Variants in BCAN observed in about 807,000 individuals in gnomAD.
BCAN encodes brevican, also known as brevican core protein.
Under a neutral mutation model 92.4 loss-of-function variants are expected in BCAN, and 51 were observed. The ratio of observed to expected loss-of-function variants is 0.55; its 90% CI spans 0.44 to 0.70. The LOEUF (loss-of-function observed/expected upper bound fraction) is 0.70. Among genes scored for constraint, BCAN ranks in the 30% least tolerant of loss-of-function variants. The probability of loss-of-function intolerance (pLI) is 0.00; values close to 1 mark genes in which losing one functional copy is unlikely to be tolerated. For synonymous variants in BCAN, 501 were observed against 505.2 expected, an observed-to-expected ratio of 0.99 and a Z score of 0.11; for missense variants, 1,140 against 1,212.1, an observed-to-expected ratio of 0.94 and a Z score of 0.88.
intron 11 of BCAN, 117 bp downstream of exon 11, chr1:156,657,874 C>T: frequency 1.2e-6 from 1 of 863,882 alleles, no homozygotes; most frequent in Admixed American, 3.1e-5. Flanking sequence ...CCTTCCCTTT[C>T]TCGTGCCCTG....
chr1:156,658,798 T>C lies in BCAN; in HGVS notation c.2628+65T>C, dbSNP rs1679428809. The C allele has an allele frequency of 6.3e-7, 1 of 1,593,422 alleles. No individual in the cohort carries two copies. Among genetic ancestry groups the C allele is most frequent in the Non-Finnish European group, 8.6e-7 (1 of 1,165,000 alleles). ...AGCCAACAGTAGCCTTGGACTCCAC[T>C]TAAAGTCCTGCCTGTCACTGGCCAT... On this transcript the variant is annotated intron_variant, in intron 13 of 13. Coordinates refer to ENST00000329117, the MANE Select transcript of BCAN (RefSeq NM_021948.5). The surrounding 1 kb of genome is among the most constrained non-coding windows in gnomAD (Gnocchi z 4.4).
rs78252762 is a variant in BCAN at position 156,645,295 on chromosome 1, A to G, written c.-8-752A>G. 9.5e-4 allele frequency among the ~76,000 whole-genome samples: 145 copies of G among 152,366 alleles called. 2 individuals are homozygous for G. In the East Asian group the frequency reaches 0.024, roughly 25 times the overall value. On this transcript the variant is annotated intron_variant, in intron 1 of 13. Coordinates refer to ENST00000329117, the MANE Select transcript of BCAN (RefSeq NM_021948.5). ...CTTTGTCCCAACTGATTTCTGAGCCAAGAGTTCCGGTGGGAAAGCCCGTGC... is the reference window on the plus strand; with the variant it reads ...CTTTGTCCCAACTGATTTCTGAGCCGAGAGTTCCGGTGGGAAAGCCCGTGC...
Position 156,658,018 on chromosome 1 carries a change from C to G in BCAN, c.2293-109C>G. On this transcript the variant is annotated intron_variant, in intron 11 of 13. Coordinates refer to ENST00000329117, the MANE Select transcript of BCAN (RefSeq NM_021948.5). This position sits in a 1 kb window ranked among gnomAD's most constrained non-coding sequence, Gnocchi z 4.4. The stretch of plus-strand genomic sequence containing the variant: ...GAGATCCCCTACCCCCTAGCCCTAA[C>G]CTTCCCTCTCCTGGGGCCCCGCTCA... The G allele has an allele frequency of 7.5e-7, 1 of 1,330,966 alleles. No homozygotes were observed. Among genetic ancestry groups the G allele is most frequent in the Non-Finnish European group, 1.0e-6 (1 of 963,578 alleles). The allele number at this position is 1,330,966 out of a possible 1,614,324, so 82.4% of individuals were successfully genotyped here. A position where few individuals can be genotyped will look rare whatever the true frequency, so the allele number is the denominator to read the frequency against.
At chr1:156,648,911 T>C (rs1244790564) in intron 6 of BCAN, 50 bp downstream of exon 6, 2 of 1,511,682 alleles carry the variant, frequency 1.3e-6, no homozygotes, top group South Asian at 2.5e-5. Flanking sequence ...AAAGGCAGAG[T>C]TGAGTCCTAA....
At chr1:156,655,900 G>C (rs996144954) in intron 8 of BCAN, among the ~76,000 whole-genome samples, 2 of 152,140 alleles carry the variant, frequency 1.3e-5, no homozygotes, top group Non-Finnish European at 2.9e-5. Flanking sequence ...AAAATGACCT[G>C]CCCAATATCA....
chr1:156,658,102 C>T lies in BCAN; in HGVS notation c.2293-25C>T, dbSNP rs200722139. The T allele has an allele frequency of 2.6e-4, 423 of 1,610,524 alleles. 1 individual carries two copies. In the African/African-American group the frequency reaches 4.9e-3, roughly 19 times the overall value. On this transcript the variant is annotated intron_variant, in intron 11 of 13. Transcript: ENST00000329117. The surrounding 1 kb of genome is among the most constrained non-coding windows in gnomAD (Gnocchi z 4.4). ...CCCGGTGCTCCTGGTGTAGGAGCTC[C>T]TCACCACCTCCTCCGTTCCCCCAGC...
rs1679021537 is a variant in BCAN, at chr1:156,647,434, G to A, written c.467-74G>A. 2.9e-6 allele frequency: 4 copies of A among 1,395,370 alleles called. No individual in the cohort carries two copies. The Admixed American group carries it at 6.9e-5, about 24-fold the overall frequency. The allele number at this position is 1,395,370 out of a possible 1,614,324, so 86.4% of individuals were successfully genotyped here. A position where few individuals can be genotyped will look rare whatever the true frequency, so the allele number is the denominator to read the frequency against. ...ACTTTATTTACCCTTGTGTACAGAG[G>A]AGTGACAAGGAGGGTGAGGGGAGGC... is the stretch of plus-strand genomic sequence containing the variant. On this transcript the variant is annotated intron_variant, in intron 3 of 13. Coordinates refer to ENST00000329117, the MANE Select transcript of BCAN (RefSeq NM_021948.5). This position sits in a 1 kb window ranked among gnomAD's most constrained non-coding sequence, Gnocchi z 4.8.
chr1:156,656,190 G>C (rs1412027670), intron 8 of BCAN, 92 bp from the exon 9 acceptor site: 2 of 828,924 alleles, frequency 2.4e-6, no homozygotes, highest in Admixed American at 6.4e-5. Context: ...AGAGACCAGG[G>C]CTGGGGGACC....
chr1:156,649,783 G>A (rs1679102035), intron 6 of BCAN: 1 of 481,478 alleles, frequency 2.1e-6, no homozygotes, highest in African/African-American at 2.0e-5. Context: ...GGCCAAGGGT[G>A]ACCGACAATA....
chr1:156,656,053 GGAAGGCTGAGCCAATGCT>G lies in BCAN; in HGVS notation c.1943-224_1943-207del, dbSNP rs1172261221. On this transcript the variant is annotated intron_variant, in intron 8 of 13. Coordinates refer to ENST00000329117, the MANE Select transcript of BCAN (RefSeq NM_021948.5). ...GGCTCACACTGGTGGCCATAACAATGGAAGGCTGAGCCAATGCTGAAGTCGGGAGCGGGAAGAGGAAAG... is the reference window on the plus strand; with the variant it reads ...GGCTCACACTGGTGGCCATAACAATGGAAGTCGGGAGCGGGAAGAGGAAAG... Among the ~76,000 whole-genome samples the G allele has an allele frequency of 2.0e-5, 3 of 152,110 alleles. No homozygotes were observed. The East Asian group carries it at 5.8e-4, about 29-fold the overall frequency.
intron 6 of BCAN, chr1:156,649,994 G>A (rs1679109804): frequency 1.9e-6 from 1 of 515,070 alleles, no homozygotes; most frequent in South Asian, 1.4e-5. Context: ...CCAGGATGAG[G>A]AGAGACTGAG....
intron 6 of BCAN, 113 bp from the exon 7 acceptor site, chr1:156,651,343 G>A: frequency 1.0e-6 from 1 of 991,800 alleles, no homozygotes; most frequent in African/African-American, 1.6e-5. Context: ...GCCCCAGTAG[G>A]TGCTCCACAG....
intron 1 of BCAN, among the ~76,000 whole-genome samples, chr1:156,645,365 A>G (rs1403532901): frequency 5.3e-5 from 8 of 152,212 alleles, no homozygotes; most frequent in Non-Finnish European, 1.0e-4. Flanking sequence ...GGAGGCAGCC[A>G]AGGAAGGGGG....
chr1:156,658,857 G>A lies in BCAN; in HGVS notation c.2628+124G>A. ...GGAGCCATCACTGCCCCTCTCTGAG[G>A]CAAAGGGGAAGAGGTGGGCTGGAGG... On this transcript the variant is annotated intron_variant, in intron 13 of 13. Coordinates refer to ENST00000329117, the MANE Select transcript of BCAN (RefSeq NM_021948.5). The surrounding 1 kb of genome is among the most constrained non-coding windows in gnomAD (Gnocchi z 4.4). 6.9e-7 allele frequency: 1 copy of A among 1,443,610 alleles called. No homozygotes were observed. The highest frequency in any genetic ancestry group is 9.5e-7 in the Non-Finnish European group (1 of 1,054,056). 89.4% of individuals were successfully genotyped at this position (1,443,610 alleles called of 1,614,324 possible).
At chr1:156,653,037 A>C in intron 8 of BCAN, 145 bp downstream of exon 8, 1 of 1,495,918 alleles carries the variant, frequency 6.7e-7, no homozygotes, top group Non-Finnish European at 8.9e-7. Flanking sequence ...ACCCACCTCT[A>C]CCTATGGGTC....
Position 156,651,582 on chromosome 1 carries a change from C to A in BCAN, c.1190C>A (p.Thr397Lys). 6.2e-7 allele frequency: 1 copy of A among 1,613,992 alleles called. No homozygotes were observed. The highest frequency in any genetic ancestry group is 8.5e-7 in the Non-Finnish European group (1 of 1,180,028). Reference sequence around the variant, plus strand: ...GAACTGCAGCTGCCTCAGGAAGCCACAGAGAGTGAATCCCGTGGGGCCATC... The same window carrying A: ...GAACTGCAGCTGCCTCAGGAAGCCAAAGAGAGTGAATCCCGTGGGGCCATC... ...LEELQLPQEA[T>K]ESESRGAIYS... The change falls in exon 7 of 14, where the codon ACA becomes AAA. Residue 397 changes from threonine (T) to lysine (K), a missense_variant. Physicochemically the swap from Thr to Lys is moderately conservative, Grantham distance 78. Transcript: ENST00000329117.
chr1:156,652,279 G>T lies in BCAN; in HGVS notation c.1329G>T (p.Thr443=). The change falls in exon 8 of 14, where the codon ACG becomes ACT. Residue 443 remains threonine (T), a synonymous_variant. Transcript: ENST00000329117. Reference sequence around the variant, plus strand: ...AAACACAATCCATGGTACCGCCCACGGGGTTCTCAGAAGAGGAAGGTAAGG... The same window carrying T: ...AAACACAATCCATGGTACCGCCCACTGGGTTCTCAGAAGAGGAAGGTAAGG... ...EFETQSMVPP[T]GFSEEEGKAL... is the part of the protein sequence containing the mutation. 6.2e-7 allele frequency: 1 copy of T among 1,607,434 alleles called. No homozygotes were observed. The highest frequency in any genetic ancestry group is 1.1e-5 in the South Asian group (1 of 89,370).
chr1:156,652,978 T>G (rs888616493), intron 8 of BCAN, 86 bp downstream of exon 8: 12 of 1,565,822 alleles, frequency 7.7e-6, no homozygotes, highest in Non-Finnish European at 9.5e-6. Flanking sequence ...CTGTAGTCCT[T>G]TAACCCACCA....
intron 11 of BCAN, 144 bp downstream of exon 11, chr1:156,657,901 G>A (rs1026699186): frequency 2.4e-6 from 2 of 834,408 alleles, no homozygotes; most frequent in African/African-American, 1.7e-5. Context: ...TTCTCCCTGG[G>A]CTCTCCTCCC....
Sources: allele counts gnomAD v4.1 joint callset (sites outside exome capture counted in the v4.1 genomes callset), GRCh38; gene constraint gnomAD v4.1.1; non-coding constraint Gnocchi (gnomAD v3.1); transcripts MANE v1.5; gene names NCBI Gene and HGNC (gene_info 2026-07-23, HGNC 2026-07-21).